BBS9: variants seen among roughly 807,000 people sequenced by gnomAD.
BBS9 encodes protein PTHB1.
A neutral mutation model predicts 117.7 loss-of-function variants in BBS9; 89 were observed. That is an observed-to-expected ratio of 0.76 (90% CI 0.64 to 0.90). The LOEUF (loss-of-function observed/expected upper bound fraction) is 0.90, where lower values mean the gene tolerates loss of function less well. BBS9 is among the 40% of genes least tolerant of loss of function. The pLI is 0.00. For missense variants in BBS9, 982 were observed against 1,042.2 expected (o/e 0.94, Z 0.80); for synonymous variants, 379 against 370.9 (o/e 1.02, Z -0.25).
chr7:33,153,439 C>T (rs1157479716), intron 3 of BBS9, among the ~76,000 whole-genome samples: 1 of 152,172 alleles, frequency 6.6e-6, no homozygotes, highest in African/African-American at 2.4e-5. Context: ...TGCTGATCCT[C>T]TTATTTTCAT....
At chr7:33,337,831 G>T (rs1303112687) in intron 10 of BBS9, among the ~76,000 whole-genome samples, 2 of 152,018 alleles carry the variant, frequency 1.3e-5, no homozygotes, top group East Asian at 3.9e-4. Flanking sequence ...GGTGGCATAG[G>T]CATGAAACAT....
chr7:33,242,278 T>C (rs1794655565), intron 5 of BBS9, among the ~76,000 whole-genome samples: 3 of 152,106 alleles, frequency 2.0e-5, no homozygotes, highest in Admixed American at 6.5e-5. Flanking sequence ...TGAGGGGGAA[T>C]GCTATTTACA....
At chr7:33,160,467 A>G (rs1344660575) in intron 4 of BBS9, among the ~76,000 whole-genome samples, 1 of 152,178 alleles carries the variant, frequency 6.6e-6, no homozygotes, top group Non-Finnish European at 1.5e-5. Flanking sequence ...AAATTAAAGT[A>G]TACTCTATGA....
At chr7:33,309,693 G>A (rs1457214894) in intron 9 of BBS9, among the ~76,000 whole-genome samples, 1 of 152,144 alleles carries the variant, frequency 6.6e-6, no homozygotes, top group Non-Finnish European at 1.5e-5. Flanking sequence ...GTATATGAAA[G>A]TCCCTTTTAA....
chr7:33,218,664 G>A (rs375684265), intron 5 of BBS9, among the ~76,000 whole-genome samples: 2 of 152,246 alleles, frequency 1.3e-5, no homozygotes, highest in South Asian at 4.1e-4. Context: ...ATACATGCTA[G>A]TGTGCTAGCC....
chr7:33,587,777 T>G (rs1861177882), intron 21 of BBS9, among the ~76,000 whole-genome samples: 1 of 152,068 alleles, frequency 6.6e-6, no homozygotes, highest in Non-Finnish European at 1.5e-5. Context: ...TCTCTGGAAT[T>G]AGAGATTTAT....
At chr7:33,189,332 TA>T (rs1783670295) in intron 5 of BBS9, among the ~76,000 whole-genome samples, 1 of 152,216 alleles carries the variant, frequency 6.6e-6, no homozygotes, top group South Asian at 2.1e-4. Context: ...TTTTTATTTT[TA>T]AAATTATGTT....
intron 5 of BBS9, among the ~76,000 whole-genome samples, chr7:33,204,572 A>G (rs548779367): frequency 6.6e-6 from 1 of 152,224 alleles, no homozygotes; most frequent in Non-Finnish European, 1.5e-5. Context: ...GGGCTTATTA[A>G]GAGAGAGGGC....
At chr7:33,504,848 CTTT>C (rs751086164) in intron 19 of BBS9, among the ~76,000 whole-genome samples, 1 of 140,142 alleles carries the variant, frequency 7.1e-6, no homozygotes. Context: ...ACACCCTGAA[CTTT>C]TTTTTTTTTT....
intron 4 of BBS9, among the ~76,000 whole-genome samples, chr7:33,173,682 AG>A (rs1222038168): frequency 6.6e-6 from 1 of 152,106 alleles, no homozygotes; most frequent in African/African-American, 2.4e-5. Context: ...TCTTTGGTGC[AG>A]TGTTGTTCAT....
intron 14 of BBS9, 185 bp downstream of exon 14, chr7:33,351,508 A>T (rs903021027): frequency 3.4e-5 from 21 of 621,206 alleles, no homozygotes; most frequent in Admixed American, 1.2e-4. Context: ...AAGGCTATTT[A>T]GCTGATTTCC....
chr7:33,560,470 A>G lies in BBS9; in HGVS notation c.2521+26294A>G, dbSNP rs920113173. 2.6e-5 allele frequency among the ~76,000 whole-genome samples: 4 copies of G among 152,228 alleles called. No individual in the cohort carries two copies. In the East Asian group the frequency reaches 7.7e-4, roughly 29 times the overall value. ...TGTGAAATCACCACGAGATGCATTC[A>G]TTAACTATTATAAGATTAGCCACAC... On this transcript the variant is annotated intron_variant, in intron 21 of 22. Transcript: ENST00000242067.
At chr7:33,312,269 C>T (rs1468893442) in intron 9 of BBS9, among the ~76,000 whole-genome samples, 2 of 152,144 alleles carry the variant, frequency 1.3e-5, no homozygotes, top group Non-Finnish European at 2.9e-5. Flanking sequence ...TAGCACATAG[C>T]GTCTTGTGTT....
chr7:33,379,111 G>A (rs2128739154), intron 17 of BBS9, among the ~76,000 whole-genome samples: 1 of 152,318 alleles, frequency 6.6e-6, no homozygotes, highest in African/African-American at 2.4e-5. Flanking sequence ...CTGCACTTCA[G>A]ACGTACTACG....
At chr7:33,333,979 C>T (rs1160007988) in intron 9 of BBS9, among the ~76,000 whole-genome samples, 1 of 152,172 alleles carries the variant, frequency 6.6e-6, no homozygotes, top group Non-Finnish European at 1.5e-5. Flanking sequence ...CCTTAGCTGT[C>T]AAGACATTCT....
intron 19 of BBS9, among the ~76,000 whole-genome samples, chr7:33,470,769 A>G (rs1840904359): frequency 6.6e-6 from 1 of 152,156 alleles, no homozygotes. Flanking sequence ...CACATGAATA[A>G]TGTAAGAGAA....
At chr7:33,332,539 T>C (rs1814325253) in intron 9 of BBS9, among the ~76,000 whole-genome samples, 1 of 151,950 alleles carries the variant, frequency 6.6e-6, no homozygotes, top group East Asian at 1.9e-4. Context: ...TAGCTGGGTG[T>C]GGTGGCAGGC....
At chr7:33,468,872 G>A (rs1418272650) in intron 19 of BBS9, among the ~76,000 whole-genome samples, 1 of 152,072 alleles carries the variant, frequency 6.6e-6, no homozygotes, top group Non-Finnish European at 1.5e-5. Context: ...ATTTCATTGT[G>A]TATATATATC....
chr7:33,488,499 C>T (rs1329949528), intron 19 of BBS9, among the ~76,000 whole-genome samples: 2 of 152,120 alleles, frequency 1.3e-5, no homozygotes, highest in Non-Finnish European at 2.9e-5. Flanking sequence ...CCAGTACTAA[C>T]CTCCTGTGTG....
Sources: allele counts gnomAD v4.1 joint callset (sites outside exome capture counted in the v4.1 genomes callset), GRCh38; gene constraint gnomAD v4.1.1; transcripts MANE v1.5; gene names NCBI Gene and HGNC (gene_info 2026-07-23, HGNC 2026-07-21).